ADGRB1: variants seen among roughly 807,000 people sequenced by gnomAD.
The protein encoded by ADGRB1 is brain-specific angiogenesis inhibitor 1.
ADGRB1 carries 36 observed loss-of-function variants against 175.7 expected under a neutral mutation model. The observed-to-expected ratio is 0.20, with a 90% CI of 0.16 to 0.27. The LOEUF (loss-of-function observed/expected upper bound fraction) is 0.27. ADGRB1 is among the 10% of genes least tolerant of loss of function. ADGRB1 has a pLI of 1.00. For synonymous variants in ADGRB1, 1,054 were observed against 979.4 expected (o/e 1.08, Z -1.42); for missense variants, 1,731 against 2,255.3 (o/e 0.77, Z 4.71).
At chr8:142,490,643 G>T in intron 16 of ADGRB1, 129 bp from the exon 17 acceptor site, 2 of 1,079,552 alleles carry the variant, frequency 1.9e-6, no homozygotes, top group Non-Finnish European at 2.6e-6. Flanking sequence ...CTCGCAAAAC[G>T]CAGTCTGTTC....
chr8:142,480,260 T>C (rs1438438062), intron 9 of ADGRB1, among the ~76,000 whole-genome samples: 1 of 152,200 alleles, frequency 6.6e-6, no homozygotes, highest in Non-Finnish European at 1.5e-5. Flanking sequence ...TTTATGTCCC[T>C]GACAGGCAGC....
chr8:142,543,841 C>T lies in ADGRB1; in HGVS notation c.4557+133C>T, dbSNP rs541411379. 94 of 973,630 alleles carry T rather than the reference C, an allele frequency of 9.7e-5. No individual in the cohort carries two copies. The Admixed American group carries it at 1.5e-3, about 16-fold the overall frequency. The allele number at this position is 973,630 out of a possible 1,614,324, so 60.3% of individuals were successfully genotyped here. A position where few individuals can be genotyped will look rare whatever the true frequency, so the allele number is the denominator to read the frequency against. The stretch of plus-strand genomic sequence containing the variant: ...ATTCGTTCATTCATTCATTCATTCG[C>T]CCATCCCTGAGGGCTGGCCTGACCC... On this transcript the variant is annotated intron_variant, in intron 30 of 30. Transcript: ENST00000517894. This position sits in a 1 kb window ranked among gnomAD's most constrained non-coding sequence, Gnocchi z 4.4.
chr8:142,458,474 A>AT (rs2131639974), intron 1 of ADGRB1, among the ~76,000 whole-genome samples: 1 of 152,228 alleles, frequency 6.6e-6, no homozygotes, highest in Admixed American at 6.5e-5. Context: ...TTCGTATATC[A>AT]TCTCAGGCCC....
In ADGRB1 at chr8:142,481,526, C is replaced by T; in HGVS notation, c.1945C>T (p.His649Tyr). The T allele has an allele frequency of 6.3e-7, 1 of 1,581,180 alleles. No individual in the cohort carries two copies. The highest frequency in any genetic ancestry group is 8.6e-7 in the Non-Finnish European group (1 of 1,162,184). ...TCTCTGTCTTCCGCAGACCCGGGAG[C>T]ACCTGGCCAAGGCTCAGCGAGGGCT... is the stretch of plus-strand genomic sequence containing the variant. ...YRNIQMMTRE[H>Y]LAKAQRGLPG... The change falls in exon 11 of 31, where the codon CAC becomes TAC. Residue 649 changes from histidine (H) to tyrosine (Y), a missense_variant. By Grantham distance (83) the His-to-Tyr change is moderately conservative (BLOSUM62 2). Coordinates refer to ENST00000517894, the MANE Select transcript of ADGRB1 (RefSeq NM_001702.3).
chr8:142,475,828 A>T (rs962219882), intron 3 of ADGRB1, among the ~76,000 whole-genome samples, 193 bp downstream of exon 3: 1 of 137,860 alleles, frequency 7.3e-6, no homozygotes, highest in African/African-American at 2.8e-5. Flanking sequence ...GGCCTGGCAG[A>T]CGCTGGGCGG....
At position 142,518,210 on chromosome 8, in the gene ADGRB1, A is replaced by C. The variant is rs1327640668; in HGVS notation, c.2890A>C (p.Met964Leu). The C allele has an allele frequency of 6.2e-7, 1 of 1,613,764 alleles. No individual in the cohort carries two copies. ...GCGVSSLTLL[M>L]LVIIYVSVWR... is the part of the protein sequence containing the mutation. ...TGGCGTGTCCTCTCTCACCCTGCTC[A>C]TGCTGGTCATCATCTACGTGTCCGT... The change falls in exon 19 of 31, where the codon ATG (methionine) becomes CTG (leucine). Residue 964 changes from methionine (M) to leucine (L), a missense_variant. By Grantham distance (15) the Met-to-Leu change is conservative. Coordinates refer to ENST00000517894, the MANE Select transcript of ADGRB1 (RefSeq NM_001702.3).
chr8:142,540,732 AC>A (rs2132277616), intron 27 of ADGRB1, among the ~76,000 whole-genome samples: 2 of 151,084 alleles, frequency 1.3e-5, no homozygotes, highest in South Asian at 4.3e-4. Context: ...GGCCTTGGGG[AC>A]GTGCGTCCCG....
rs924784490 is a variant in ADGRB1 at position 142,544,547 on chromosome 8, A to G, written c.*130A>G. 93 of 1,144,734 alleles carry G rather than the reference A, an allele frequency of 8.1e-5. No homozygotes were observed. The Middle Eastern group carries it at 9.2e-4, about 11-fold the overall frequency. The allele number at this position is 1,144,734 out of a possible 1,614,324, so 70.9% of individuals were successfully genotyped here. On this transcript the variant is annotated 3_prime_UTR_variant, in exon 31 of 31. Transcript: ENST00000517894. ...CGCACCCCGGCCTCAGGGCGCTCAGACGGCGGCCAGGCACAGGGCCCGCAG... is the reference window on the plus strand; with the variant it reads ...CGCACCCCGGCCTCAGGGCGCTCAGGCGGCGGCCAGGCACAGGGCCCGCAG...
At chr8:142,467,088 G>C (rs2131696896) in intron 2 of ADGRB1, among the ~76,000 whole-genome samples, 1 of 152,342 alleles carries the variant, frequency 6.6e-6, no homozygotes, top group East Asian at 1.9e-4. Flanking sequence ...GCGTGGAGAG[G>C]CTGGGGCACT....
At position 142,474,082 on chromosome 8, in the gene ADGRB1, G is replaced by T. The variant is rs1032477616; in HGVS notation, c.785-1392G>T. Among the ~76,000 whole-genome samples, 2 of 152,230 alleles carry T rather than the reference G, an allele frequency of 1.3e-5. No individual in the cohort carries two copies. Among genetic ancestry groups the T allele is most frequent in the African/African-American group, 4.8e-5 (2 of 41,452 alleles). Reference sequence around the variant, plus strand: ...TCCTCATGTTGTAAATGATGGGAGTGAGGCCAGTGGGTGGTGGGGCCACTG... The same window carrying T: ...TCCTCATGTTGTAAATGATGGGAGTTAGGCCAGTGGGTGGTGGGGCCACTG... On this transcript the variant is annotated intron_variant, in intron 2 of 30. Coordinates refer to ENST00000517894, the MANE Select transcript of ADGRB1 (RefSeq NM_001702.3). The surrounding 1 kb of genome is among the most constrained non-coding windows in gnomAD (Gnocchi z 5.8).
intron 1 of ADGRB1, among the ~76,000 whole-genome samples, chr8:142,457,945 G>A (rs1324341256): frequency 1.3e-5 from 2 of 152,208 alleles, no homozygotes; most frequent in Admixed American, 6.5e-5. Flanking sequence ...AGCGGGGAAG[G>A]CCAGCCGTCT....
intron 24 of ADGRB1, among the ~76,000 whole-genome samples, chr8:142,529,465 T>G (rs1473180014): frequency 6.6e-6 from 1 of 152,198 alleles, no homozygotes; most frequent in Non-Finnish European, 1.5e-5. Context: ...TGGAGTTCTC[T>G]GCCGCCAGTG....
chr8:142,538,479 C>T (rs1459146983), intron 26 of ADGRB1, among the ~76,000 whole-genome samples: 1 of 152,234 alleles, frequency 6.6e-6, no homozygotes, highest in African/African-American at 2.4e-5. Context: ...ACACAGCTTC[C>T]CCCTCCCCCA....
At chr8:142,527,075 A>T (rs957439181) in intron 24 of ADGRB1, among the ~76,000 whole-genome samples, 3 of 152,176 alleles carry the variant, frequency 2.0e-5, no homozygotes, top group African/African-American at 7.2e-5. Flanking sequence ...AGGATGGTGC[A>T]GAGGACAGGT....
chr8:142,461,570 G>A (rs916145664), intron 1 of ADGRB1, among the ~76,000 whole-genome samples: 3 of 152,206 alleles, frequency 2.0e-5, no homozygotes, highest in Non-Finnish European at 4.4e-5. Flanking sequence ...ACAGAGGCTG[G>A]TCCTTGTACA....
chr8:142,500,235 AC>A lies in ADGRB1; in HGVS notation c.2675+9422del, dbSNP rs1842429745. Among the ~76,000 whole-genome samples, 9 of 13,608 alleles carry A rather than the reference AC, an allele frequency of 6.6e-4. No homozygotes were observed. The South Asian group carries it at 0.02, about 30-fold the overall frequency. The allele number at this position is 13,608 out of a possible 152,430, so 8.9% of individuals were successfully genotyped here. On this transcript the variant is annotated intron_variant, in intron 17 of 30. Coordinates refer to ENST00000517894, the MANE Select transcript of ADGRB1 (RefSeq NM_001702.3). ...CCACTTCCCCCCGCGCCGCTCCTCC[AC>A]CTCCCCACGCGCCGCTCCTCCACCT...
At chr8:142,481,982 A>G (rs552633832) in intron 11 of ADGRB1, among the ~76,000 whole-genome samples, 3 of 144,240 alleles carry the variant, frequency 2.1e-5, no homozygotes, top group Non-Finnish European at 3.0e-5. Flanking sequence ...CTGGTCACAC[A>G]CTGAGCTCTG....
chr8:142,481,134 G>A (rs1841312470), intron 9 of ADGRB1, 120 bp from the exon 10 acceptor site: 2 of 865,820 alleles, frequency 2.3e-6, no homozygotes, highest in South Asian at 1.5e-5. Flanking sequence ...GAGGCCATGG[G>A]CGAGTCCCTG....
At chr8:142,508,038 G>C (rs1168039043) in intron 17 of ADGRB1, among the ~76,000 whole-genome samples, 1 of 152,070 alleles carries the variant, frequency 6.6e-6, no homozygotes, top group Non-Finnish European at 1.5e-5. Context: ...AGACAGCGGT[G>C]GGCCTGGATT....
Sources: allele counts gnomAD v4.1 joint callset (sites outside exome capture counted in the v4.1 genomes callset), GRCh38; gene constraint gnomAD v4.1.1; non-coding constraint Gnocchi (gnomAD v3.1); transcripts MANE v1.5; gene names NCBI Gene and HGNC (gene_info 2026-07-23, HGNC 2026-07-21).